DRD3: variants seen among roughly 807,000 people sequenced by gnomAD.
The protein encoded by DRD3 is D(3) dopamine receptor.
A neutral mutation model predicts 36.3 loss-of-function variants in DRD3; 19 were observed. That is an observed-to-expected ratio of 0.52 (90% CI 0.36 to 0.77). The LOEUF (loss-of-function observed/expected upper bound fraction) is 0.77, where lower values mean the gene tolerates loss of function less well. Ranked by LOEUF, DRD3 falls within the 30% of genes least tolerant of loss-of-function variation. The pLI, the probability that DRD3 is intolerant of heterozygous loss-of-function variation, is 0.00. For synonymous variants in DRD3, 195 were observed against 203.7 expected (o/e 0.96, Z 0.36); for missense variants, 465 against 505.3 (o/e 0.92, Z 0.77).
chr3:114,189,291 A>G (rs558731088), intron 1 of DRD3, among the ~76,000 whole-genome samples: 7 of 152,360 alleles, frequency 4.6e-5, no homozygotes, highest in African/African-American at 1.7e-4. Flanking sequence ...GATTATTACC[A>G]ACACATTAGG....
In DRD3 at chr3:114,128,824, G is replaced by C. The variant is rs150874216; in HGVS notation, c.1095C>G (p.Tyr365Ter). The C allele has an allele frequency of 8.7e-6, 14 of 1,613,968 alleles. No homozygotes were observed. Among genetic ancestry groups the C allele is most frequent in the Non-Finnish European group, 1.2e-5 (14 of 1,180,004 alleles). The change falls in exon 7 of 7, where the codon TAC (tyrosine) becomes TAG (stop). Residue 365 changes from tyrosine to a stop codon, truncating the protein, a stop_gained. Transcript: ENST00000383673. LOFTEE classifies it high-confidence loss of function. ...CGTAGCCCAGCCATGTCGTGGCACT[G>C]TAAAGCTCTGGGGACACGTGGCATG... ...CQTCHVSPEL[Y>*]SATTWLGYVN... is the part of the protein sequence containing the mutation.
intron 5 of DRD3, among the ~76,000 whole-genome samples, chr3:114,132,586 A>G (rs2077440655): frequency 6.6e-6 from 1 of 150,720 alleles, no homozygotes; most frequent in Non-Finnish European, 1.5e-5. Context: ...AAAAAAAAGC[A>G]GCACCCACCA....
chr3:114,156,778 TCTTTCTTTCTTTC>T (rs2077678822), intron 3 of DRD3, among the ~76,000 whole-genome samples: 5 of 110,408 alleles, frequency 4.5e-5, no homozygotes, highest in Non-Finnish European at 1.0e-4. Context: ...TTTCTTTCTT[TCTTTCTTTCTTTC>T]TTTCTTTCTC....
intron 2 of DRD3, among the ~76,000 whole-genome samples, chr3:114,163,566 A>G (rs2077753236): frequency 6.6e-6 from 1 of 152,198 alleles, no homozygotes; most frequent in South Asian, 2.1e-4. Context: ...CTCTCAAAGT[A>G]TAGTGGCTTG....
intron 5 of DRD3, among the ~76,000 whole-genome samples, chr3:114,138,631 A>T (rs1406155367): frequency 1.3e-5 from 2 of 152,200 alleles, no homozygotes; most frequent in Non-Finnish European, 2.9e-5. Flanking sequence ...GTGGGGACAC[A>T]GCCAAACCAT....
rs1449901334 is a variant in DRD3, at chr3:114,190,468, T to A, written c.-156+8805A>T. 8.1e-3 allele frequency among the ~76,000 whole-genome samples: 125 copies of A among 15,378 alleles called. 1 individual carries two copies. Among genetic ancestry groups the A allele is most frequent in the Non-Finnish European group, 0.011 (98 of 8,790 alleles). 10.1% of individuals were successfully genotyped at this position (15,378 alleles called of 152,430 possible). ...TATATATATATATATATATATTTTT[T>A]TTTTTTTTTTTTTTTTTTTTTTTTT... On this transcript the variant is annotated intron_variant, in intron 1 of 7. Transcript: ENST00000460779.
intron 5 of DRD3, among the ~76,000 whole-genome samples, chr3:114,133,614 G>A (rs1467627435): frequency 6.6e-6 from 1 of 152,272 alleles, no homozygotes; most frequent in Non-Finnish European, 1.5e-5. Flanking sequence ...AGCTTCCTTT[G>A]TAAAACAGAA....
At chr3:114,194,175 T>C (rs778382677) in intron 1 of DRD3, among the ~76,000 whole-genome samples, 1 of 152,212 alleles carries the variant, frequency 6.6e-6, no homozygotes, top group Non-Finnish European at 1.5e-5. Flanking sequence ...TAAGTCAGTG[T>C]TTTAGATTCA....
chr3:114,189,006 T>C (rs939381977), intron 1 of DRD3, among the ~76,000 whole-genome samples: 1 of 152,242 alleles, frequency 6.6e-6, no homozygotes, highest in Non-Finnish European at 1.5e-5. Context: ...CAGTTTCATT[T>C]TGCAAATTTT....
chr3:114,150,076 T>C (rs1452231921), intron 3 of DRD3, among the ~76,000 whole-genome samples: 2 of 152,242 alleles, frequency 1.3e-5, no homozygotes, highest in Non-Finnish European at 1.5e-5. Flanking sequence ...AATACACTGT[T>C]GATGGCTCCT....
intron 1 of DRD3, among the ~76,000 whole-genome samples, chr3:114,189,009 C>A (rs1038690165): frequency 5.3e-5 from 8 of 152,144 alleles, no homozygotes; most frequent in African/African-American, 1.9e-4. Flanking sequence ...TTTCATTTTG[C>A]AAATTTTATT....
In DRD3 at chr3:114,139,534, T is replaced by G. The variant is rs776443602; in HGVS notation, c.689A>C (p.Gln230Pro). 24 of 1,613,970 alleles carry G rather than the reference T, an allele frequency of 1.5e-5. No homozygotes were observed. Among genetic ancestry groups the G allele is most frequent in the Non-Finnish European group, 8.5e-7 (1 of 1,179,972 alleles). Reference protein sequence around the residue: ...RKRILTRQNSQCNSVRPGFPQ... With the variant: ...RKRILTRQNSPCNSVRPGFPQ... Reference sequence around the variant, plus strand: ...GAAGCCAGGCCTGACACTGTTGCACTGACTGTTCTGTCGAGTGAGGATCCT... The same window carrying G: ...GAAGCCAGGCCTGACACTGTTGCACGGACTGTTCTGTCGAGTGAGGATCCT... The change falls in exon 5 of 7, where the codon CAG becomes CCG. Residue 230 changes from glutamine (Q) to proline (P), a missense_variant. Gln to Pro is a moderately conservative substitution (Grantham distance 76). Coordinates refer to ENST00000383673, the MANE Select transcript of DRD3 (RefSeq NM_000796.6).
Position 114,171,910 on chromosome 3 carries a change from G to T in DRD3, c.83C>A (p.Pro28Gln), listed in dbSNP as rs943787790. The change falls in exon 2 of 7, where the codon CCA becomes CAA. Residue 28 changes from proline (P) to glutamine (Q), a missense_variant. By Grantham distance (76) the Pro-to-Gln change is moderately conservative. Coordinates refer to ENST00000383673, the MANE Select transcript of DRD3 (RefSeq NM_000796.6). ...ENSTGASQAR[P>Q]HAYYALSYCA... ...GTAGGAGAGGGCATAGTAGGCATGT[G>T]GGCGGGCCTGGCTGGCACCTGTGGA... 6.2e-7 allele frequency: 1 copy of T among 1,608,872 alleles called. No homozygotes were observed. Among genetic ancestry groups the T allele is most frequent in the Non-Finnish European group, 8.5e-7 (1 of 1,177,156 alleles).
chr3:114,164,087 G>T (rs567345336), intron 2 of DRD3, among the ~76,000 whole-genome samples: 2 of 150,870 alleles, frequency 1.3e-5, no homozygotes, highest in African/African-American at 4.9e-5. Context: ...TGGGTGTGGT[G>T]GTGGGCGCCT....
intron 6 of DRD3, 50 bp downstream of exon 6, chr3:114,131,068 T>C (rs200227297): frequency 1.9e-6 from 3 of 1,565,226 alleles, no homozygotes; most frequent in Admixed American, 3.5e-5. Context: ...TCCACTTAAC[T>C]TAACACAACC....
At chr3:114,134,101 G>C (rs2077455311) in intron 5 of DRD3, among the ~76,000 whole-genome samples, 1 of 152,068 alleles carries the variant, frequency 6.6e-6, no homozygotes, top group South Asian at 2.1e-4. Flanking sequence ...CAGTAAATTT[G>C]TTTTCTACGT....
At position 114,142,034 on chromosome 3, in the gene DRD3, C is replaced by T. The variant is rs1484238736; in HGVS notation, c.527-2338G>A. Among the ~76,000 whole-genome samples, 4 of 110,434 alleles carry T rather than the reference C, an allele frequency of 3.6e-5. No homozygotes were observed. In the South Asian group the frequency reaches 9.0e-4, roughly 25 times the overall value. 72.4% of individuals were successfully genotyped at this position (110,434 alleles called of 152,430 possible). A position where few individuals can be genotyped will look rare whatever the true frequency, so the allele number is the denominator to read the frequency against. ...TTGCACTCCAGCCTGGGCGATAGAG[C>T]GAGACTCTCTCTCAAAAAAAAAAAA... On this transcript the variant is annotated intron_variant, in intron 4 of 6. Coordinates refer to ENST00000383673, the MANE Select transcript of DRD3 (RefSeq NM_000796.6).
At chr3:114,146,016 G>A (rs1417408306) in intron 4 of DRD3, among the ~76,000 whole-genome samples, 2 of 152,318 alleles carry the variant, frequency 1.3e-5, no homozygotes, top group Non-Finnish European at 2.9e-5. Context: ...ACTTGTTTAA[G>A]GAGAGACAGC....
chr3:114,142,047 CAAAAAAAAA>C (rs771946847), intron 4 of DRD3, among the ~76,000 whole-genome samples: 5 of 64,722 alleles, frequency 7.7e-5, no homozygotes, highest in Admixed American at 2.1e-4. Context: ...GACTCTCTCT[CAAAAAAAAA>C]AAAAAAAAAA....
Sources: gnomAD v4.1 joint callset for allele counts (sites outside exome capture counted in the v4.1 genomes callset) on GRCh38, gnomAD v4.1.1 for gene constraint, MANE v1.5 for transcripts, NCBI Gene and HGNC (gene_info 2026-07-23, HGNC 2026-07-21) for gene names.